The following ST8SIA4 variants were observed in gnomAD, a reference collection of about 807,000 sequenced individuals.
ST8SIA4 encodes the protein CMP-N-acetylneuraminate-poly-alpha-2,8-sialyltransferase.
In ST8SIA4, 15 loss-of-function variants were observed where a neutral mutation model predicts 33.9. That is an observed-to-expected ratio of 0.44 (90% CI 0.30 to 0.68). The LOEUF is 0.68. ST8SIA4 is among the 30% of genes least tolerant of loss of function. The pLI is 0.10. For synonymous variants in ST8SIA4, 171 were observed against 151.2 expected, an observed-to-expected ratio of 1.13 and a Z score of -0.96; for missense variants, 321 against 428.0, an observed-to-expected ratio of 0.75 and a Z score of 2.21.
intron 3 of ST8SIA4, among the ~76,000 whole-genome samples, chr5:100,873,699 C>T (rs1321144814): frequency 6.6e-6 from 1 of 151,950 alleles, no homozygotes; most frequent in African/African-American, 2.4e-5. Flanking sequence ...TCCAGCCATC[C>T]CAGAGAAAGG....
intron 3 of ST8SIA4, among the ~76,000 whole-genome samples, chr5:100,861,961 C>A (rs1381740137): frequency 6.6e-6 from 1 of 152,202 alleles, no homozygotes; most frequent in Admixed American, 6.5e-5. Flanking sequence ...ATTCCTTTTA[C>A]ATGCTCTTTC....
chr5:100,866,861 A>G (rs1752074516), intron 3 of ST8SIA4, among the ~76,000 whole-genome samples: 1 of 152,106 alleles, frequency 6.6e-6, no homozygotes, highest in Non-Finnish European at 1.5e-5. Flanking sequence ...CTAAATAAAC[A>G]TACACATAGA....
chr5:100,813,564 A>T (rs1750854824), intron 4 of ST8SIA4, among the ~76,000 whole-genome samples: 1 of 152,044 alleles, frequency 6.6e-6, no homozygotes, highest in African/African-American at 2.4e-5. Context: ...TAACTGAATG[A>T]GCAAAACCAT....
At chr5:100,838,493 C>A (rs901992739) in intron 4 of ST8SIA4, among the ~76,000 whole-genome samples, 2 of 151,642 alleles carry the variant, frequency 1.3e-5, no homozygotes, top group Non-Finnish European at 2.9e-5. Context: ...AGACTGCTAA[C>A]GAATACACAT....
At chr5:100,844,182 G>T (rs904573795) in intron 4 of ST8SIA4, among the ~76,000 whole-genome samples, 4 of 152,022 alleles carry the variant, frequency 2.6e-5, no homozygotes, top group Admixed American at 6.6e-5. Context: ...TGCTCCACAG[G>T]TGACAGCCCC....
rs1750819174 is a variant in ST8SIA4 at position 100,811,679 on chromosome 5, A to G, written c.*168T>C. Reference sequence around the variant, plus strand: ...AGTCAAAATATTTAATTTTTAGAGCACTTTGCAGGTATTTCATCAGCTGGT... The same window carrying G: ...AGTCAAAATATTTAATTTTTAGAGCGCTTTGCAGGTATTTCATCAGCTGGT... On this transcript the variant is annotated 3_prime_UTR_variant, in exon 5 of 5. Transcript: ENST00000231461. The G allele has an allele frequency of 1.5e-6, 1 of 665,502 alleles. No homozygotes were observed. Among genetic ancestry groups the G allele is most frequent in the Non-Finnish European group, 2.5e-6 (1 of 400,904 alleles). 41.2% of individuals were successfully genotyped at this position (665,502 alleles called of 1,614,324 possible).
At chr5:100,889,019 C>A (rs568090766) in intron 2 of ST8SIA4, among the ~76,000 whole-genome samples, 2 of 151,834 alleles carry the variant, frequency 1.3e-5, no homozygotes, top group East Asian at 3.9e-4. Flanking sequence ...CACTGACACA[C>A]CATAACAGTT....
intron 4 of ST8SIA4, among the ~76,000 whole-genome samples, chr5:100,812,918 T>C (rs1029724778): frequency 6.6e-6 from 1 of 152,144 alleles, no homozygotes; most frequent in Non-Finnish European, 1.5e-5. Flanking sequence ...TTCATTTCCT[T>C]AAGGACAATG....
At chr5:100,860,891 A>G (rs1751923203) in intron 3 of ST8SIA4, among the ~76,000 whole-genome samples, 1 of 152,202 alleles carries the variant, frequency 6.6e-6, no homozygotes, top group Non-Finnish European at 1.5e-5. Context: ...ATTCAAGGCC[A>G]TTCAGCCATG....
chr5:100,873,779 G>C (rs1350188333), intron 3 of ST8SIA4, among the ~76,000 whole-genome samples: 1 of 152,096 alleles, frequency 6.6e-6, no homozygotes, highest in African/African-American at 2.4e-5. Context: ...ATGAGACTTT[G>C]CTCTCTGCCA....
In ST8SIA4 at chr5:100,834,628, TG is replaced by T. The variant is rs550652317; in HGVS notation, c.797+21474del. Among the ~76,000 whole-genome samples the T allele has an allele frequency of 2.3e-3, 348 of 152,236 alleles. 2 individuals are homozygous for T. The highest frequency in any genetic ancestry group is 7.6e-3 in the African/African-American group (315 of 41,528). On this transcript the variant is annotated intron_variant, in intron 4 of 4. Transcript: ENST00000231461. ...GAGATGTCAGCCTCAACATTGGATG[TG>T]GGGCCTTGTGAGAGGTGATTGGATC...
intron 2 of ST8SIA4, among the ~76,000 whole-genome samples, chr5:100,887,547 T>C (rs556507837): frequency 2.0e-5 from 3 of 152,096 alleles, no homozygotes; most frequent in African/African-American, 7.2e-5. Context: ...TATAAATTGA[T>C]AACAGATTGA....
In ST8SIA4 at chr5:100,867,743, G is replaced by T. The variant is rs541044342; in HGVS notation, c.504-11347C>A. Among the ~76,000 whole-genome samples the T allele has an allele frequency of 9.9e-5, 15 of 151,950 alleles. No individual in the cohort carries two copies. In the South Asian group the frequency reaches 3.1e-3, roughly 32 times the overall value. On this transcript the variant is annotated intron_variant, in intron 3 of 4. Coordinates refer to ENST00000231461, the MANE Select transcript of ST8SIA4 (RefSeq NM_005668.6). ...TACCTTTTTGAAAGTATAACCCAAG[G>T]TTGAAAATGATTTTTAACTTAGTAT...
intron 4 of ST8SIA4, among the ~76,000 whole-genome samples, chr5:100,827,818 T>C (rs933983200): frequency 2.0e-5 from 3 of 152,202 alleles, no homozygotes; most frequent in Admixed American, 6.5e-5. Flanking sequence ...TAAATAGCAC[T>C]GACATTCACA....
In ST8SIA4 at chr5:100,821,786, A is replaced by G. The variant is rs553191971; in HGVS notation, c.798-9657T>C. 1.1e-4 allele frequency among the ~76,000 whole-genome samples: 17 copies of G among 152,346 alleles called. No homozygotes were observed. The South Asian group carries it at 3.5e-3, about 32-fold the overall frequency. The stretch of plus-strand genomic sequence containing the variant: ...GTTCCTAAAAGCATTCCCAGCAAGT[A>G]TCAAACTAATAGCATTTGGGGGTTA... On this transcript the variant is annotated intron_variant, in intron 4 of 4. Coordinates refer to ENST00000231461, the MANE Select transcript of ST8SIA4 (RefSeq NM_005668.6).
chr5:100,895,966 G>T (rs1752771341), intron 1 of ST8SIA4, among the ~76,000 whole-genome samples, 181 bp from the exon 2 acceptor site: 1 of 150,802 alleles, frequency 6.6e-6, no homozygotes, highest in Admixed American at 6.6e-5. Flanking sequence ...ATGACTATCA[G>T]GACAAGAATC....
At chr5:100,874,823 A>G (rs1752271085) in intron 3 of ST8SIA4, among the ~76,000 whole-genome samples, 1 of 152,012 alleles carries the variant, frequency 6.6e-6, no homozygotes, top group Admixed American at 6.6e-5. Flanking sequence ...GAATCAAGCA[A>G]TCTTCCCACC....
chr5:100,885,306 GATA>G (rs1471228945), intron 3 of ST8SIA4: 3 of 907,766 alleles, frequency 3.3e-6, no homozygotes, highest in East Asian at 2.3e-4. Flanking sequence ...GAAAAGGAAA[GATA>G]ATAAGGTAAA....
intron 2 of ST8SIA4, among the ~76,000 whole-genome samples, chr5:100,892,615 A>C (rs927694245): frequency 7.2e-5 from 11 of 152,156 alleles, no homozygotes; most frequent in African/African-American, 2.7e-4. Context: ...TATCTCAGGA[A>C]CTGTTTTCAC....
Sources: gnomAD v4.1 joint callset for allele counts (sites outside exome capture counted in the v4.1 genomes callset) on GRCh38, gnomAD v4.1.1 for gene constraint, MANE v1.5 for transcripts, NCBI Gene and HGNC (gene_info 2026-07-23, HGNC 2026-07-21) for gene names.